CDH12: variants seen among roughly 807,000 people sequenced by gnomAD.
CDH12 encodes cadherin 12, also known as cadherin-12.
A neutral mutation model predicts 74.1 loss-of-function variants in CDH12; 41 were observed. The ratio of observed to expected loss-of-function variants is 0.55; its 90% CI spans 0.43 to 0.72. CDH12 has a LOEUF of 0.72. CDH12 is among the 30% of genes least tolerant of loss of function. The pLI is 0.00. For synonymous variants in CDH12, 399 were observed against 355.0 expected (o/e 1.12, Z -1.39); for missense variants, 945 against 977.2 (o/e 0.97, Z 0.44).
At chr5:22,370,011 A>C (rs1233878633) in intron 3 of CDH12, among the ~76,000 whole-genome samples, 1 of 152,190 alleles carries the variant, frequency 6.6e-6, no homozygotes, top group Non-Finnish European at 1.5e-5. Context: ...TACTTAAAAA[A>C]AATTCTCAAG....
At chr5:22,702,415 T>C (rs911044698) in intron 1 of CDH12, among the ~76,000 whole-genome samples, 3 of 152,032 alleles carry the variant, frequency 2.0e-5, no homozygotes, top group Non-Finnish European at 2.9e-5. Context: ...TATGGTCAAG[T>C]TTTTCTGCTG....
In CDH12 at chr5:21,757,980, C is replaced by G. The variant is rs577001502; in HGVS notation, c.1634-2138G>C. Among the ~76,000 whole-genome samples, 12 of 152,270 alleles carry G rather than the reference C, an allele frequency of 7.9e-5. No homozygotes were observed. The East Asian group carries it at 2.3e-3, about 29-fold the overall frequency. On this transcript the variant is annotated intron_variant, in intron 13 of 14. Coordinates refer to ENST00000382254, the MANE Select transcript of CDH12 (RefSeq NM_004061.5). ...GCAATGACATCTGAACTAGTTTTAT[C>G]TCCCTATGATATATTTTCCATGCTA...
intron 6 of CDH12, among the ~76,000 whole-genome samples, chr5:21,930,171 G>T (rs917455071): frequency 1.3e-5 from 2 of 152,140 alleles, no homozygotes; most frequent in African/African-American, 2.4e-5. Context: ...GCTTCAGTGA[G>T]CTGTGAAAGT....
At chr5:22,580,304 C>T in intron 1 of CDH12, 4 of 415,238 alleles carry the variant, frequency 9.6e-6, no homozygotes, top group Middle Eastern at 7.3e-4. Flanking sequence ...CGATGTCAAG[C>T]TTATTGGCAA....
chr5:22,680,749 C>CTGT (rs1406642431), intron 1 of CDH12, among the ~76,000 whole-genome samples: 5 of 152,070 alleles, frequency 3.3e-5, no homozygotes, highest in Non-Finnish European at 7.4e-5. Flanking sequence ...GTACTACTAA[C>CTGT]TGTTCATCTA....
At chr5:21,877,463 T>C (rs1751998782) in intron 6 of CDH12, among the ~76,000 whole-genome samples, 1 of 152,216 alleles carries the variant, frequency 6.6e-6, no homozygotes, top group Non-Finnish European at 1.5e-5. Context: ...GAGCTTGGTA[T>C]ATAATAAGTA....
At position 22,570,910 on chromosome 5, in the gene CDH12, G is replaced by A. The variant is rs560770721; in HGVS notation, c.-522-65546C>T. ...ATCAATTATCTTGCTGTATCTCCTG[G>A]AAAATTTGCTGCAGCTTCTACATAG... is the stretch of plus-strand genomic sequence containing the variant. On this transcript the variant is annotated intron_variant, in intron 1 of 14. Coordinates refer to ENST00000382254, the MANE Select transcript of CDH12 (RefSeq NM_004061.5). Among the ~76,000 whole-genome samples, 30 of 152,266 alleles carry A rather than the reference G, an allele frequency of 2.0e-4. No homozygotes were observed. The South Asian group carries it at 4.6e-3, about 23-fold the overall frequency.
chr5:21,926,357 C>A (rs1469821919), intron 6 of CDH12, among the ~76,000 whole-genome samples: 2 of 152,202 alleles, frequency 1.3e-5, no homozygotes, highest in Non-Finnish European at 2.9e-5. Context: ...TCCCCATTTC[C>A]TAGACATTGG....
chr5:22,026,033 TC>T (rs1738327235), intron 5 of CDH12, among the ~76,000 whole-genome samples: 1 of 152,116 alleles, frequency 6.6e-6, no homozygotes, highest in African/African-American at 2.4e-5. Context: ...GTGGAATCAA[TC>T]TCCCCCAAAT....
Position 22,076,413 on chromosome 5 carries a change from C to A in CDH12, c.231+2033G>T, listed in dbSNP as rs140112572. 2.5e-3 allele frequency among the ~76,000 whole-genome samples: 386 copies of A among 152,152 alleles called. 5 individuals carry two copies. Among genetic ancestry groups the A allele is most frequent in the African/African-American group, 8.6e-3 (357 of 41,536 alleles). On this transcript the variant is annotated intron_variant, in intron 5 of 14. Transcript: ENST00000382254. ...CAGTTTTATTTTTTTAACCTAATTT[C>A]AACTTTATTACCTCCAATTCTGGAA...
intron 1 of CDH12, among the ~76,000 whole-genome samples, chr5:22,822,874 G>A (rs560180156): frequency 1.6e-4 from 24 of 152,150 alleles, no homozygotes; most frequent in Admixed American, 3.9e-4. Context: ...CCAGCCATCC[G>A]ATTCCTGGGT....
At chr5:22,247,878 A>G (rs1171473176) in intron 3 of CDH12, among the ~76,000 whole-genome samples, 3 of 152,164 alleles carry the variant, frequency 2.0e-5, no homozygotes, top group East Asian at 1.9e-4. Flanking sequence ...ATGTGGCCAG[A>G]CATATGCTCA....
intron 1 of CDH12, among the ~76,000 whole-genome samples, chr5:22,714,344 G>T (rs549660711): frequency 6.6e-6 from 1 of 152,154 alleles, no homozygotes; most frequent in African/African-American, 2.4e-5. Flanking sequence ...TTTCTCATTA[G>T]CTTGAAGGTG....
At chr5:21,792,298 TTC>T (rs1329409664) in intron 10 of CDH12, among the ~76,000 whole-genome samples, 15 of 152,020 alleles carry the variant, frequency 9.9e-5, no homozygotes, top group African/African-American at 3.6e-4. Context: ...TCCTATCAAT[TTC>T]TCTTTTTTCT....
chr5:21,995,022 G>C (rs1381390825), intron 5 of CDH12, among the ~76,000 whole-genome samples: 1 of 152,098 alleles, frequency 6.6e-6, no homozygotes, highest in Non-Finnish European at 1.5e-5. Context: ...ACCTTTATGA[G>C]CTGTAACACT....
At position 21,752,186 on chromosome 5, in the gene CDH12, G is replaced by A. The variant is rs778299033; in HGVS notation, c.1936C>T (p.Leu646=). 7 of 1,613,756 alleles carry A rather than the reference G, an allele frequency of 4.3e-6. No homozygotes were observed. Among genetic ancestry groups the A allele is most frequent in the Non-Finnish European group, 5.9e-6 (7 of 1,179,892 alleles). The change falls in exon 15 of 15, where the codon CTG becomes TTG. Residue 646 remains leucine, a synonymous_variant. Coordinates refer to ENST00000382254, the MANE Select transcript of CDH12 (RefSeq NM_004061.5). ...ALRRQKKKDT[L]MTSKEDIRDN... ...CTGATGTCTTCTTTAGAGGTCATCA[G>A]GGTGTCTTTTTTCTTCTGCCTTCGC...
At chr5:21,901,653 T>C (rs1753390774) in intron 6 of CDH12, among the ~76,000 whole-genome samples, 1 of 152,160 alleles carries the variant, frequency 6.6e-6, no homozygotes, top group Non-Finnish European at 1.5e-5. Flanking sequence ...CTCTGGATAC[T>C]GGCTTTATCA....
chr5:22,526,826 G>A (rs1737306573), intron 1 of CDH12, among the ~76,000 whole-genome samples: 1 of 152,044 alleles, frequency 6.6e-6, no homozygotes. Flanking sequence ...CTTCCAATTG[G>A]CCTTTTATAC....
At chr5:22,231,079 G>A (rs1322892776) in intron 3 of CDH12, among the ~76,000 whole-genome samples, 1 of 152,086 alleles carries the variant, frequency 6.6e-6, no homozygotes, top group African/African-American at 2.4e-5. Flanking sequence ...ACTGGCAATT[G>A]TATTAAAAAA....
Sources: gnomAD v4.1 joint callset for allele counts (sites outside exome capture counted in the v4.1 genomes callset) on GRCh38, gnomAD v4.1.1 for gene constraint, MANE v1.5 for transcripts, NCBI Gene and HGNC (gene_info 2026-07-23, HGNC 2026-07-21) for gene names.